The following CDH12 variants were observed in gnomAD, a reference collection of about 807,000 sequenced individuals.
The protein encoded by CDH12 is cadherin-12.
A neutral mutation model predicts 74.1 loss-of-function variants in CDH12; 41 were observed. That is an observed-to-expected ratio of 0.55 (90% CI 0.43 to 0.72). CDH12 has a LOEUF of 0.72. Ranked by LOEUF, CDH12 falls within the 30% of genes least tolerant of loss-of-function variation. The pLI, the probability that CDH12 is intolerant of heterozygous loss-of-function variation, is 0.00. For missense variants in CDH12, 945 were observed against 977.2 expected, an observed-to-expected ratio of 0.97 and a Z score of 0.44; for synonymous variants, 399 against 355.0, an observed-to-expected ratio of 1.12 and a Z score of -1.39.
chr5:21,757,214 C>T lies in CDH12; in HGVS notation c.1634-1372G>A, dbSNP rs568793997. Among the ~76,000 whole-genome samples, 6 of 152,162 alleles carry T rather than the reference C, an allele frequency of 3.9e-5. No individual in the cohort carries two copies. In the South Asian group the frequency reaches 8.3e-4, roughly 21 times the overall value. Reference sequence around the variant, plus strand: ...ATTTTGAGATGGAGTTTCACTCTGTCGCCCAGGCTGGAGTACAGTGGATCA... The same window carrying T: ...ATTTTGAGATGGAGTTTCACTCTGTTGCCCAGGCTGGAGTACAGTGGATCA... On this transcript the variant is annotated intron_variant, in intron 13 of 14. Coordinates refer to ENST00000382254, the MANE Select transcript of CDH12 (RefSeq NM_004061.5).
chr5:21,867,879 TC>T (rs757549933), intron 6 of CDH12, among the ~76,000 whole-genome samples: 8 of 152,158 alleles, frequency 5.3e-5, no homozygotes, highest in Non-Finnish European at 8.8e-5. Context: ...TTTGGCTGTG[TC>T]CCCACCCAAA....
intron 5 of CDH12, among the ~76,000 whole-genome samples, chr5:22,063,598 A>C (rs565024826): frequency 2.4e-4 from 37 of 152,056 alleles, no homozygotes; most frequent in African/African-American, 7.0e-4. Flanking sequence ...CTTCTCTTTT[A>C]CATCTTACTG....
chr5:22,642,802 T>C (rs1297984362), intron 1 of CDH12, among the ~76,000 whole-genome samples: 1 of 152,138 alleles, frequency 6.6e-6, no homozygotes, highest in Non-Finnish European at 1.5e-5. Flanking sequence ...ATATAAACAT[T>C]AGTATAGATA....
chr5:22,089,487 G>A (rs1743287753), intron 4 of CDH12, among the ~76,000 whole-genome samples: 1 of 151,782 alleles, frequency 6.6e-6, no homozygotes, highest in South Asian at 2.1e-4. Context: ...ATTAAAGGAA[G>A]GAAGACAGTT....
chr5:22,326,839 G>T (rs1395244802), intron 3 of CDH12, among the ~76,000 whole-genome samples: 2 of 152,090 alleles, frequency 1.3e-5, no homozygotes, highest in Non-Finnish European at 2.9e-5. Flanking sequence ...AAAAGGCAGT[G>T]TTGTATATGT....
chr5:22,642,754 C>A (rs1247533524), intron 1 of CDH12, among the ~76,000 whole-genome samples: 1 of 151,800 alleles, frequency 6.6e-6, no homozygotes, highest in Non-Finnish European at 1.5e-5. Context: ...TATGAAACAT[C>A]GATTTACTAA....
chr5:22,523,515 C>T (rs746766261), intron 1 of CDH12, among the ~76,000 whole-genome samples: 1 of 152,222 alleles, frequency 6.6e-6, no homozygotes, highest in Non-Finnish European at 1.5e-5. Context: ...TCCTCCTCAA[C>T]TTATTTTTGC....
chr5:22,775,924 T>A (rs1258680561), intron 1 of CDH12, among the ~76,000 whole-genome samples: 1 of 151,934 alleles, frequency 6.6e-6, no homozygotes, highest in African/African-American at 2.4e-5. Flanking sequence ...ATAAGTCCCT[T>A]GAGATCTGAT....
intron 6 of CDH12, among the ~76,000 whole-genome samples, chr5:21,973,185 C>A (rs1756927505): frequency 6.6e-6 from 1 of 151,872 alleles, no homozygotes. Flanking sequence ...CCAGCCAGGG[C>A]AACAGACCAA....
Position 22,203,010 on chromosome 5 carries a change from A to G in CDH12, c.-187+9488T>C, listed in dbSNP as rs542665133. ...ATAATTGTGCATAATTATGGGAAAG[A>G]GTGTGATGTTTCAACATAGGTATAC... On this transcript the variant is annotated intron_variant, in intron 4 of 14. Coordinates refer to ENST00000382254, the MANE Select transcript of CDH12 (RefSeq NM_004061.5). Among the ~76,000 whole-genome samples the G allele has an allele frequency of 6.6e-5, 10 of 152,320 alleles. No homozygotes were observed. In the East Asian group the frequency reaches 1.9e-3, roughly 29 times the overall value.
intron 3 of CDH12, among the ~76,000 whole-genome samples, chr5:22,355,354 T>A (rs1348694294): frequency 6.6e-6 from 1 of 151,990 alleles, no homozygotes; most frequent in Non-Finnish European, 1.5e-5. Flanking sequence ...ACCAAAATTG[T>A]CAACTAGGAA....
At chr5:21,902,863 G>T (rs1312861519) in intron 6 of CDH12, among the ~76,000 whole-genome samples, 1 of 152,098 alleles carries the variant, frequency 6.6e-6, no homozygotes, top group Non-Finnish European at 1.5e-5. Flanking sequence ...GGGAACACTT[G>T]TATGCTGATT....
chr5:22,722,493 T>G (rs973748642), intron 1 of CDH12, among the ~76,000 whole-genome samples: 1 of 152,240 alleles, frequency 6.6e-6, no homozygotes, highest in Non-Finnish European at 1.5e-5. Context: ...TATTCAATTA[T>G]AACTATGATA....
intron 3 of CDH12, among the ~76,000 whole-genome samples, chr5:22,319,398 G>T (rs969827348): frequency 2.0e-5 from 3 of 152,166 alleles, no homozygotes; most frequent in Non-Finnish European, 4.4e-5. Flanking sequence ...TATGTGGGAA[G>T]AAAAGGAATA....
At chr5:22,045,385 T>C (rs1197794344) in intron 5 of CDH12, among the ~76,000 whole-genome samples, 1 of 152,092 alleles carries the variant, frequency 6.6e-6, no homozygotes, top group African/African-American at 2.4e-5. Flanking sequence ...GGAGGCTTCT[T>C]AAATAAATAA....
At chr5:22,182,911 A>G (rs868593173) in intron 4 of CDH12, among the ~76,000 whole-genome samples, 8 of 152,184 alleles carry the variant, frequency 5.3e-5, no homozygotes, top group Middle Eastern at 3.4e-3. Context: ...TTTATGGTGA[A>G]TTCTCAGTTA....
chr5:21,817,485 G>C (rs1748123703), intron 8 of CDH12, among the ~76,000 whole-genome samples: 1 of 151,820 alleles, frequency 6.6e-6, no homozygotes, highest in African/African-American at 2.4e-5. Flanking sequence ...TAATAATACA[G>C]GTTGCAAGAC....
At chr5:22,835,911 G>A (rs1736797341) in intron 1 of CDH12, among the ~76,000 whole-genome samples, 1 of 152,120 alleles carries the variant, frequency 6.6e-6, no homozygotes. Flanking sequence ...GTCCTACTGT[G>A]TCATTTTCAC....
chr5:22,158,717 C>A (rs1317366738), intron 4 of CDH12, among the ~76,000 whole-genome samples: 1 of 152,028 alleles, frequency 6.6e-6, no homozygotes, highest in African/African-American at 2.4e-5. Context: ...TTTTTGTTTG[C>A]ATGATGACAA....
Sources: gnomAD v4.1 joint callset for allele counts (sites outside exome capture counted in the v4.1 genomes callset) on GRCh38, gnomAD v4.1.1 for gene constraint, MANE v1.5 for transcripts, NCBI Gene and HGNC (gene_info 2026-07-23, HGNC 2026-07-21) for gene names.